The following FOXN3 variants were observed in gnomAD, a reference collection of about 807,000 sequenced individuals.
FOXN3 encodes forkhead box N3.
FOXN3 carries 7 observed loss-of-function variants against 38.4 expected under a neutral mutation model. The ratio of observed to expected loss-of-function variants is 0.18; its 90% CI spans 0.10 to 0.34. The LOEUF (loss-of-function observed/expected upper bound fraction) is 0.34. Among genes scored for constraint, FOXN3 ranks in the 10% least tolerant of loss-of-function variants. FOXN3 has a pLI of 1.00. For synonymous variants in FOXN3, 230 were observed against 242.2 expected, an observed-to-expected ratio of 0.95 and a Z score of 0.47; for missense variants, 456 against 613.4, an observed-to-expected ratio of 0.74 and a Z score of 2.71.
intron 4 of FOXN3, among the ~76,000 whole-genome samples, chr14:89,193,691 T>C (rs144778945): frequency 4.2e-4 from 64 of 152,360 alleles, no homozygotes; most frequent in African/African-American, 1.3e-3. Flanking sequence ...AAAGCTGCTG[T>C]GAACTTTTAT....
intron 1 of FOXN3, among the ~76,000 whole-genome samples, chr14:89,564,120 G>A (rs1256491629): frequency 6.6e-6 from 1 of 152,118 alleles, no homozygotes; most frequent in African/African-American, 2.4e-5. Context: ...CTCCCAAAGT[G>A]CTAGGATTAC....
chr14:89,182,116 C>T (rs1184045278), intron 4 of FOXN3, among the ~76,000 whole-genome samples: 1 of 152,196 alleles, frequency 6.6e-6, no homozygotes, highest in Non-Finnish European at 1.5e-5. Context: ...AAAATGAAAA[C>T]CACTCTGGAC....
At chr14:89,324,443 CGTGTGTGTGTGTGTGTGT>C (rs71130053) in intron 3 of FOXN3, among the ~76,000 whole-genome samples, 69 of 143,490 alleles carry the variant, frequency 4.8e-4, no homozygotes, top group Admixed American at 1.1e-3. Flanking sequence ...TAAGTGTGTG[CGTGTGTGTGTGTGTGTGT>C]GTGTGTGTGT....
rs368975239 is a variant in FOXN3, at chr14:89,455,079, G to A, written c.-14-42589C>T. Among the ~76,000 whole-genome samples the A allele has an allele frequency of 5.3e-5, 8 of 152,330 alleles. No individual in the cohort carries two copies. In the East Asian group the frequency reaches 7.7e-4, roughly 15 times the overall value. ...TGTAATGGACACAATGCAGGAGAGC[G>A]ACTCAGGAATGTTCGCTCGGGCAGG... On this transcript the variant is annotated intron_variant, in intron 1 of 6. Coordinates refer to the FOXN3 transcript ENST00000345097.
chr14:89,476,506 G>A (rs1024728529), intron 1 of FOXN3, among the ~76,000 whole-genome samples: 1 of 152,186 alleles, frequency 6.6e-6, no homozygotes, highest in East Asian at 1.9e-4. Flanking sequence ...TTGAGTTTGG[G>A]CTCAAATGAC....
At chr14:89,215,955 G>C (rs1274747213) in intron 4 of FOXN3, among the ~76,000 whole-genome samples, 2 of 152,142 alleles carry the variant, frequency 1.3e-5, no homozygotes, top group South Asian at 4.1e-4. Context: ...GAACCTCAGT[G>C]ACCTCCTGAT....
chr14:89,174,396 GACC>G (rs952676277), intron 5 of FOXN3, among the ~76,000 whole-genome samples: 2 of 152,122 alleles, frequency 1.3e-5, no homozygotes, highest in Admixed American at 1.3e-4. Flanking sequence ...TATCCAGGGG[GACC>G]ACAATTTTCT....
intron 3 of FOXN3, among the ~76,000 whole-genome samples, chr14:89,323,719 AAAAC>A (rs56120412): frequency 6.0e-5 from 9 of 150,648 alleles, no homozygotes; most frequent in Non-Finnish European, 8.8e-5. Context: ...ACTCCATCGC[AAAAC>A]AAACAAACAA....
intron 3 of FOXN3, among the ~76,000 whole-genome samples, chr14:89,284,786 G>A (rs1240939986): frequency 2.6e-5 from 4 of 152,174 alleles, no homozygotes; most frequent in Non-Finnish European, 4.4e-5. Flanking sequence ...CCAGCAAGGT[G>A]GAGTGCGACC....
At chr14:89,172,568 A>T (rs1887417729) in intron 5 of FOXN3, among the ~76,000 whole-genome samples, 2 of 152,228 alleles carry the variant, frequency 1.3e-5, no homozygotes, top group South Asian at 4.1e-4. Context: ...AAGACACTTT[A>T]AAAAGAACAA....
At chr14:89,244,996 T>C (rs1885248651) in intron 4 of FOXN3, among the ~76,000 whole-genome samples, 2 of 152,122 alleles carry the variant, frequency 1.3e-5, no homozygotes, top group Non-Finnish European at 2.9e-5. Flanking sequence ...TCTAGGGGTG[T>C]GGTGGAAGTA....
intron 1 of FOXN3, among the ~76,000 whole-genome samples, chr14:89,497,036 C>T (rs1893699712): frequency 6.6e-6 from 1 of 152,156 alleles, no homozygotes; most frequent in Admixed American, 6.5e-5. Flanking sequence ...CTTACTGCAA[C>T]CTCCGCTTCC....
At chr14:89,466,848 C>T (rs778182321) in intron 1 of FOXN3, among the ~76,000 whole-genome samples, 1 of 152,186 alleles carries the variant, frequency 6.6e-6, no homozygotes, top group Non-Finnish European at 1.5e-5. Flanking sequence ...CCCCTCAGGC[C>T]TACGGCAAGG....
chr14:89,335,315 G>C (rs1464881710), intron 3 of FOXN3, among the ~76,000 whole-genome samples: 11 of 152,180 alleles, frequency 7.2e-5, no homozygotes, highest in Non-Finnish European at 4.4e-5. Flanking sequence ...ACAACTCAGT[G>C]GTCCAGCACA....
intron 2 of FOXN3, chr14:89,356,422 A>T (rs1297520754): frequency 2.0e-5 from 3 of 151,990 alleles, no homozygotes; most frequent in Admixed American, 6.5e-5. Flanking sequence ...AATAATAATT[A>T]AATTAAATTA....
rs1445680626 is a variant in FOXN3 at position 89,412,946 on chromosome 14, C to T, written c.-14-456G>A. Among the ~76,000 whole-genome samples the T allele has an allele frequency of 6.8e-6, 1 of 147,776 alleles. No homozygotes were observed. The highest frequency in any genetic ancestry group is 2.5e-5 in the African/African-American group (1 of 40,808). On this transcript the variant is annotated intron_variant, in intron 1 of 5. Transcript: ENST00000557258. This position sits in a 1 kb window ranked among gnomAD's most constrained non-coding sequence, Gnocchi z 4.7. Reference sequence around the variant, plus strand: ...ATGGGAATGTAAGATAAGCCATTAACTGAAATTAGAGCTGGTGAAAAAAGT... The same window carrying T: ...ATGGGAATGTAAGATAAGCCATTAATTGAAATTAGAGCTGGTGAAAAAAGT...
At chr14:89,543,893 C>G (rs1264910923) in intron 1 of FOXN3, among the ~76,000 whole-genome samples, 1 of 151,484 alleles carries the variant, frequency 6.6e-6, no homozygotes, top group East Asian at 1.9e-4. Context: ...ACCAGAATAT[C>G]CAAAACCAAT....
rs1293904416 is a variant in FOXN3 at position 89,610,395 on chromosome 14, C to T, written c.-15+8633G>A. Among the ~76,000 whole-genome samples, 6 of 152,202 alleles carry T rather than the reference C, an allele frequency of 3.9e-5. No individual in the cohort carries two copies. The South Asian group carries it at 8.3e-4, about 21-fold the overall frequency. On this transcript the variant is annotated intron_variant, in intron 1 of 6. Transcript: ENST00000345097. The stretch of plus-strand genomic sequence containing the variant: ...AGCAGCGTGGCTGGCATAGGTGCCC[C>T]ACGTGCCCCAGTGCGGCTGAGCTCC...
At chr14:89,369,048 A>C (rs1362015692) in intron 2 of FOXN3, among the ~76,000 whole-genome samples, 1 of 151,932 alleles carries the variant, frequency 6.6e-6, no homozygotes, top group Admixed American at 6.6e-5. Flanking sequence ...CTCAGGAAAG[A>C]CTCCTAGAGC....
Sources: gnomAD v4.1 joint callset for allele counts (sites outside exome capture counted in the v4.1 genomes callset) on GRCh38, gnomAD v4.1.1 for gene constraint, Gnocchi (gnomAD v3.1) non-coding constraint, MANE v1.5 for transcripts, NCBI Gene and HGNC (gene_info 2026-07-23, HGNC 2026-07-21) for gene names.